ASPM: variants seen among roughly 807,000 people sequenced by gnomAD.
ASPM encodes the protein abnormal spindle-like microcephaly-associated protein.
ASPM carries 256 observed loss-of-function variants against 366.4 expected under a neutral mutation model. The ratio of observed to expected loss-of-function variants is 0.70; its 90% CI spans 0.63 to 0.77. The LOEUF (loss-of-function observed/expected upper bound fraction) is 0.77. ASPM is among the 30% of genes least tolerant of loss of function. The probability of loss-of-function intolerance (pLI) is 0.00; values close to 1 mark genes in which losing one functional copy is unlikely to be tolerated. For synonymous variants in ASPM, 1,414 were observed against 1,342.9 expected, an observed-to-expected ratio of 1.05 and a Z score of -1.16; for missense variants, 4,146 against 4,090.4, an observed-to-expected ratio of 1.01 and a Z score of -0.37.
At chr1:197,096,996 A>C (rs1656993603) in intron 18 of ASPM, among the ~76,000 whole-genome samples, 1 of 151,838 alleles carries the variant, frequency 6.6e-6, no homozygotes, top group African/African-American at 2.4e-5. Flanking sequence ...ATTTGACTCC[A>C]ACATCCCTAC....
Position 197,104,012 on chromosome 1 carries a change from G to C in ASPM, c.5239C>G (p.Gln1747Glu), listed in dbSNP as rs1339602453. Residue 1747 changes from glutamine (Q) to glutamate (E), a missense_variant, in exon 18 of 28, where the codon CAG (glutamine) becomes GAG (glutamate). By Grantham distance (29) the Gln-to-Glu change is conservative. Around this residue, in one of 3 missense-constraint regions of ASPM, gnomAD observed 3,624 missense variants for 3,591.7 expected, o/e 1.01. Transcript: ENST00000367409. ...ACAGCTTTTCTTTGTAACCTCATCT[G>C]CTTTCGGACAAGGTATCCTCTAACA... Reference protein sequence around the residue: ...AFVRGYLVRKQMRLQRKAVIS... With the variant: ...AFVRGYLVRKEMRLQRKAVIS... The C allele has an allele frequency of 3.7e-6, 6 of 1,612,372 alleles. No homozygotes were observed. The African/African-American group carries it at 8.0e-5, about 22-fold the overall frequency.
rs539142245 is a variant in ASPM at position 197,143,720 on chromosome 1, T to C, written c.532A>G (p.Thr178Ala). The C allele has an allele frequency of 1.9e-6, 3 of 1,613,798 alleles. No homozygotes were observed. In the Middle Eastern group the frequency reaches 5.0e-4, roughly 266 times the overall value. Residue 178 changes from threonine to alanine, a missense_variant, in exon 3 of 28, where the codon ACA becomes GCA. Coordinates refer to ENST00000367409, the MANE Select transcript of ASPM (RefSeq NM_018136.5). Reference sequence around the variant, plus strand: ...TCAACTTTTTGGGAAACACTAAATGTTTTATTAACATTCTGAATATTTGAA... The same window carrying C: ...TCAACTTTTTGGGAAACACTAAATGCTTTATTAACATTCTGAATATTTGAA... ...RVSNIQNVNKTFSVSQKVDRV... is the reference protein window; with the variant it reads ...RVSNIQNVNKAFSVSQKVDRV...
At chr1:197,094,008 T>A (rs530689938) in intron 20 of ASPM, 76 bp downstream of exon 20, 2 of 1,038,944 alleles carry the variant, frequency 1.9e-6, no homozygotes, top group Non-Finnish European at 2.8e-6. Context: ...TTTTAAAAAT[T>A]AAAAAATACA....
chr1:197,110,658 C>CTGGAT (rs1302278856), intron 17 of ASPM, among the ~76,000 whole-genome samples: 2 of 151,936 alleles, frequency 1.3e-5, no homozygotes, highest in Non-Finnish European at 2.9e-5. Flanking sequence ...ATCCAGATTT[C>CTGGAT]ACCTACTGCT....
In ASPM at chr1:197,084,203, T is replaced by C; in HGVS notation, c.*121A>G. 1.4e-6 allele frequency: 1 copy of C among 714,072 alleles called. No homozygotes were observed. The highest frequency in any genetic ancestry group is 1.8e-5 in the African/African-American group (1 of 56,256). The allele number at this position is 714,072 out of a possible 1,614,324, so 44.2% of individuals were successfully genotyped here. A position where few individuals can be genotyped will look rare whatever the true frequency, so the allele number is the denominator to read the frequency against. On this transcript the variant is annotated 3_prime_UTR_variant, in exon 28 of 28. Coordinates refer to ENST00000367409, the MANE Select transcript of ASPM (RefSeq NM_018136.5). ...AATGAAGAATGTAATGAACAGTTTA[T>C]GTTTTTTTAAAACAAAGTCAGATTT...
chr1:197,100,463 G>T lies in ASPM; in HGVS notation c.8788C>A (p.Gln2930Lys). The T allele has an allele frequency of 6.4e-7, 1 of 1,568,754 alleles. No homozygotes were observed. Among genetic ancestry groups the T allele is most frequent in the South Asian group, 1.2e-5 (1 of 83,658 alleles). The change falls in exon 18 of 28, where the codon CAG becomes AAG. Residue 2930 changes from glutamine to lysine, a missense_variant. By Grantham distance (53) the Gln-to-Lys change is moderately conservative (BLOSUM62 1). Coordinates refer to ENST00000367409, the MANE Select transcript of ASPM (RefSeq NM_018136.5). ...TTTATGGTGCTATTTTTAATTTCCT[G>T]AAACTTCCGTTTCTGTATAAATCCT... ...SKGFIQKRKFQEIKNSTIKIQ... is the reference protein window; with the variant it reads ...SKGFIQKRKFKEIKNSTIKIQ...
chr1:197,139,431 C>A (rs1396706189), intron 4 of ASPM: 2 of 555,256 alleles, frequency 3.6e-6, no homozygotes, highest in South Asian at 2.2e-5. Flanking sequence ...CCCGTCTCCA[C>A]TAAAAATACA....
intron 19 of ASPM, among the ~76,000 whole-genome samples, chr1:197,094,683 C>T (rs1235426140): frequency 6.6e-6 from 1 of 151,620 alleles, no homozygotes; most frequent in Non-Finnish European, 1.5e-5. Context: ...GTAAACAGAA[C>T]TGGAGAAAAA....
chr1:197,145,996 G>A (rs1658764622), intron 1 of ASPM, 145 bp downstream of exon 1: 2 of 1,036,876 alleles, frequency 1.9e-6, no homozygotes. Context: ...GCCACCCACA[G>A]TTATTGAGTG....
In ASPM at chr1:197,089,921, A is replaced by G; in HGVS notation, c.9984+9T>C. ...CAGTGAATATCTCATTAATAAAATGAAAAACTACCTTAGATACATTAAGCA... is the reference window on the plus strand; with the variant it reads ...CAGTGAATATCTCATTAATAAAATGGAAAACTACCTTAGATACATTAAGCA... On this transcript the variant is annotated intron_variant, in intron 25 of 27. Coordinates refer to ENST00000367409, the MANE Select transcript of ASPM (RefSeq NM_018136.5). The G allele has an allele frequency of 6.2e-7, 1 of 1,612,022 alleles. No individual in the cohort carries two copies. Among genetic ancestry groups the G allele is most frequent in the South Asian group, 1.1e-5 (1 of 90,952 alleles).
At chr1:197,142,239 T>C in intron 3 of ASPM, 92 bp downstream of exon 3, 2 of 1,359,406 alleles carry the variant, frequency 1.5e-6, no homozygotes, top group South Asian at 1.2e-5. Context: ...GTAAAAACTA[T>C]AATACAAGCT....
chr1:197,143,812 T>G lies in ASPM; in HGVS notation c.442-2A>C. 6.2e-7 allele frequency: 1 copy of G among 1,611,700 alleles called. No individual in the cohort carries two copies. Among genetic ancestry groups the G allele is most frequent in the South Asian group, 1.1e-5 (1 of 90,406 alleles). On this transcript the variant is annotated splice_acceptor_variant, in intron 2 of 27. Transcript: ENST00000367409. LOFTEE classifies it high-confidence loss of function. ...TTTAATGGTATCCCAAAGACTCCTC[T>G]GCAAAAATAAGGAAAATATACCAAT...
Position 197,093,267 on chromosome 1 carries a change from A to C in ASPM, c.9085-6T>G. 6.2e-7 allele frequency: 1 copy of C among 1,609,490 alleles called. No homozygotes were observed. Among genetic ancestry groups the C allele is most frequent in the Non-Finnish European group, 8.5e-7 (1 of 1,177,032 alleles). On this transcript the variant is annotated splice_polypyrimidine_tract_variant and splice_region_variant and intron_variant, in intron 20 of 27. Transcript: ENST00000367409. ...AAACAAGCAGCTCGATGTCTCTATA[A>C]GGAAAAATTTACAAGTAACATTAAT...
In ASPM at chr1:197,101,775, C is replaced by T; in HGVS notation, c.7476G>A (p.Arg2492=). 6.2e-7 allele frequency: 1 copy of T among 1,612,584 alleles called. No homozygotes were observed. Among genetic ancestry groups the T allele is most frequent in the Non-Finnish European group, 8.5e-7 (1 of 1,179,252 alleles). ...RAAVLIQATF[R]MYRTYITFQT... is the part of the protein sequence containing the mutation. ...GAAATGTAATATATGTTCTGTACAT[C>T]CTGAAAGTAGCCTGAATGAGAACTG... Residue 2492 remains arginine (R), a synonymous_variant, in exon 18 of 28, where the codon AGG becomes AGA. Coordinates refer to ENST00000367409, the MANE Select transcript of ASPM (RefSeq NM_018136.5).
At chr1:197,123,031 C>T (rs917569262) in intron 13 of ASPM, among the ~76,000 whole-genome samples, 3 of 152,112 alleles carry the variant, frequency 2.0e-5, no homozygotes, top group Non-Finnish European at 4.4e-5. Flanking sequence ...TCAACCAATC[C>T]GCACATAACC....
intron 17 of ASPM, among the ~76,000 whole-genome samples, chr1:197,108,884 T>C (rs1261004994): frequency 6.7e-6 from 1 of 148,264 alleles, no homozygotes; most frequent in Non-Finnish European, 1.5e-5. Flanking sequence ...GGTGGGATGA[T>C]GGCTTGAGCC....
chr1:197,123,300 A>C (rs1449740152), intron 13 of ASPM, among the ~76,000 whole-genome samples: 2 of 152,152 alleles, frequency 1.3e-5, no homozygotes, highest in Non-Finnish European at 2.9e-5. Flanking sequence ...ACAGTATAAG[A>C]GCTGAAACAA....
chr1:197,139,286 CACAGCAAAGGATA>C, intron 4 of ASPM: 1 of 909,146 alleles, frequency 1.1e-6, no homozygotes, highest in South Asian at 1.3e-5. Flanking sequence ...TACTCCCTAC[CACAGCAAAGGATA>C]ACAGCCCATG....
intron 7 of ASPM, among the ~76,000 whole-genome samples, chr1:197,131,130 A>C (rs1658242176): frequency 6.6e-6 from 1 of 152,152 alleles, no homozygotes; most frequent in Non-Finnish European, 1.5e-5. Flanking sequence ...TGACACCACA[A>C]TGCTGTGTAA....
Sources: gnomAD v4.1 joint callset for allele counts (sites outside exome capture counted in the v4.1 genomes callset) on GRCh38, gnomAD v4.1.1 for gene constraint, gnomAD v4.1.1 regional missense constraint, MANE v1.5 for transcripts, NCBI Gene and HGNC (gene_info 2026-07-23, HGNC 2026-07-21) for gene names.